The following LARGE1 variants were observed in gnomAD, a reference collection of about 807,000 sequenced individuals.
The protein encoded by LARGE1 is xylosyl- and glucuronyltransferase LARGE1.
In LARGE1, 43 loss-of-function variants were observed where a neutral mutation model predicts 87.6. The observed-to-expected ratio is 0.49, with a 90% CI of 0.38 to 0.63. LARGE1 has a LOEUF of 0.63. Ranked by LOEUF, LARGE1 falls within the 30% of genes least tolerant of loss-of-function variation. LARGE1 has a pLI of 0.00. For missense variants in LARGE1, 802 were observed against 1,000.2 expected (o/e 0.80, Z 2.67); for synonymous variants, 434 against 394.6 (o/e 1.10, Z -1.18).
chr22:33,493,036 T>C (rs889205536), intron 6 of LARGE1, among the ~76,000 whole-genome samples: 2 of 152,136 alleles, frequency 1.3e-5, no homozygotes, highest in Admixed American at 6.5e-5. Context: ...TTGTGTTTAA[T>C]GCCTGTGTAA....
chr22:33,323,734 C>T (rs1411798816), intron 10 of LARGE1, among the ~76,000 whole-genome samples: 1 of 152,222 alleles, frequency 6.6e-6, no homozygotes, highest in Admixed American at 6.5e-5. Context: ...GCTTCTTAAA[C>T]TTTTCTGTAG....
rs146008378 is a variant in LARGE1 at position 33,395,022 on chromosome 22, T to C, written c.893-10718A>G. Among the ~76,000 whole-genome samples, 1,306 of 151,918 alleles carry C rather than the reference T, an allele frequency of 8.6e-3. 18 individuals carry two copies. Among genetic ancestry groups the C allele is most frequent in the African/African-American group, 0.03 (1,225 of 41,452 alleles). On this transcript the variant is annotated intron_variant, in intron 7 of 14. Transcript: ENST00000397394. Reference sequence around the variant, plus strand: ...CTGGCAGATCACGAGGTCAGGAGATTGAGACCATCCTGGCTAACACACGGT... The same window carrying C: ...CTGGCAGATCACGAGGTCAGGAGATCGAGACCATCCTGGCTAACACACGGT...
chr22:33,778,687 G>C (rs62225421), intron 1 of LARGE1, among the ~76,000 whole-genome samples: 11,037 of 151,968 alleles, frequency 0.073, 514 homozygotes, highest in Admixed American at 0.11. Context: ...GTCTCGCTCT[G>C]TCGCCCAGAC....
At chr22:33,087,661 G>A in the LARGE1 span, among the ~76,000 whole-genome samples, 5 of 152,240 alleles carry the variant, frequency 3.3e-5, no homozygotes, top group African/African-American at 1.2e-4. Flanking sequence ...TAGGCCGGGC[G>A]TGGTGGCTCA....
intron 11 of LARGE1, among the ~76,000 whole-genome samples, chr22:33,228,768 C>G (rs1174916920): frequency 1.3e-5 from 2 of 152,090 alleles, no homozygotes; most frequent in African/African-American, 4.8e-5. Flanking sequence ...CACTGATTCA[C>G]AGGGGTCTTA....
chr22:33,351,893 C>A (rs1245098627), intron 9 of LARGE1, among the ~76,000 whole-genome samples: 2 of 152,054 alleles, frequency 1.3e-5, no homozygotes, highest in Non-Finnish European at 2.9e-5. Context: ...TGCGCGCCAC[C>A]ACACCCAGCT....
At chr22:33,866,635 T>G (rs1317780410) in intron 1 of LARGE1, among the ~76,000 whole-genome samples, 1 of 152,198 alleles carries the variant, frequency 6.6e-6, no homozygotes, top group Non-Finnish European at 1.5e-5. Flanking sequence ...ATAAGGATTA[T>G]CTGCTCTGGA....
At chr22:33,240,885 A>G (rs1227148930) in intron 11 of LARGE1, among the ~76,000 whole-genome samples, 1 of 152,090 alleles carries the variant, frequency 6.6e-6, no homozygotes, top group East Asian at 1.9e-4. Flanking sequence ...TCATCCAATT[A>G]ACCTCAGCTT....
chr22:33,770,598 T>A (rs1032480044), intron 1 of LARGE1, among the ~76,000 whole-genome samples: 2 of 151,962 alleles, frequency 1.3e-5, no homozygotes, highest in African/African-American at 4.8e-5. Context: ...GGGAGGATGA[T>A]CACTTGAGCA....
chr22:33,865,741 T>C (rs574901333), intron 1 of LARGE1, among the ~76,000 whole-genome samples: 1 of 152,100 alleles, frequency 6.6e-6, no homozygotes, highest in African/African-American at 2.4e-5. Flanking sequence ...CTTCTGACTC[T>C]TGTTAATTCA....
chr22:33,815,746 A>G (rs922309450), intron 1 of LARGE1, among the ~76,000 whole-genome samples: 27 of 152,322 alleles, frequency 1.8e-4, no homozygotes, highest in Admixed American at 7.2e-4. Flanking sequence ...TCTTTCTGTG[A>G]ACCACACCGG....
intron 5 of LARGE1, among the ~76,000 whole-genome samples, chr22:33,582,133 C>T (rs1001176734): frequency 2.6e-5 from 4 of 152,174 alleles, no homozygotes; most frequent in African/African-American, 9.6e-5. Flanking sequence ...GACTTGGGCA[C>T]TGGGGTGCTA....
At chr22:33,822,170 GC>G (rs1324849741) in intron 1 of LARGE1, among the ~76,000 whole-genome samples, 6 of 152,156 alleles carry the variant, frequency 3.9e-5, no homozygotes, top group African/African-American at 1.4e-4. Flanking sequence ...CACTATGTGT[GC>G]CCTTGGGAGC....
chr22:33,088,319 T>C, the LARGE1 span, among the ~76,000 whole-genome samples: 5 of 152,132 alleles, frequency 3.3e-5, no homozygotes, highest in Non-Finnish European at 1.5e-5. Flanking sequence ...TGACTGGGGT[T>C]GTAGTCCCCA....
intron 10 of LARGE1, among the ~76,000 whole-genome samples, chr22:33,319,593 A>G (rs1936518091): frequency 1.3e-5 from 2 of 152,042 alleles, no homozygotes; most frequent in African/African-American, 4.8e-5. Flanking sequence ...ACAGGGTTTC[A>G]CTATGTTGGC....
chr22:33,916,559 C>T (rs756262474), intron 1 of LARGE1, among the ~76,000 whole-genome samples: 11 of 152,196 alleles, frequency 7.2e-5, no homozygotes, highest in African/African-American at 1.4e-4. Context: ...CCATGTAGAG[C>T]GACCTCACCA....
chr22:33,722,733 C>T (rs1003282589), intron 2 of LARGE1, among the ~76,000 whole-genome samples: 2 of 152,060 alleles, frequency 1.3e-5, no homozygotes, highest in African/African-American at 4.8e-5. Flanking sequence ...ATGGAAGAAA[C>T]AGTGAAGAGG....
chr22:33,149,392 G>A, the LARGE1 span, among the ~76,000 whole-genome samples: 1 of 151,942 alleles, frequency 6.6e-6, no homozygotes, highest in African/African-American at 2.4e-5. Flanking sequence ...ATTTAATAAG[G>A]CCCACCATAT....
intron 9 of LARGE1, among the ~76,000 whole-genome samples, chr22:33,361,721 G>GTTCAGAGTCC: frequency 2.5e-5 from 1 of 40,096 alleles, no homozygotes; most frequent in East Asian, 1.0e-3. Flanking sequence ...TCCCCAACTG[G>GTTCAGAGTCC]CTCAGAGTCC....
Sources: allele counts gnomAD v4.1 joint callset (sites outside exome capture counted in the v4.1 genomes callset), GRCh38; gene constraint gnomAD v4.1.1; transcripts MANE v1.5; gene names NCBI Gene and HGNC (gene_info 2026-07-23, HGNC 2026-07-21).